The following CSMD1 variants were observed in gnomAD, a reference collection of about 807,000 sequenced individuals.
CSMD1 encodes CUB and sushi domain-containing protein 1.
In CSMD1, 213 loss-of-function variants were observed where a neutral mutation model predicts 417.5. The ratio of observed to expected loss-of-function variants is 0.51; its 90% CI spans 0.46 to 0.57. The LOEUF (loss-of-function observed/expected upper bound fraction) is 0.57, where lower values mean the gene tolerates loss of function less well. CSMD1 is among the 20% of genes least tolerant of loss of function. The pLI, the probability that CSMD1 is intolerant of heterozygous loss-of-function variation, is 0.00. For missense variants in CSMD1, 6,923 were observed against 4,529.7 expected, an observed-to-expected ratio of 1.53 and a Z score of -15.17; for synonymous variants, 2,862 against 1,736.8, an observed-to-expected ratio of 1.65 and a Z score of -16.11.
At chr8:4,105,960 A>T (rs1303807838) in intron 3 of CSMD1, among the ~76,000 whole-genome samples, 2 of 152,156 alleles carry the variant, frequency 1.3e-5, no homozygotes, top group Non-Finnish European at 2.9e-5. Flanking sequence ...AATTAGCCAC[A>T]AGTCCCAACT....
intron 1 of CSMD1, among the ~76,000 whole-genome samples, chr8:4,823,315 C>T (rs1047998764): frequency 4.0e-4 from 61 of 151,980 alleles, no homozygotes; most frequent in African/African-American, 1.4e-3. Flanking sequence ...GATTTTAGTT[C>T]TGTGATGACT....
chr8:3,612,908 G>T (rs1801960794), intron 8 of CSMD1, among the ~76,000 whole-genome samples: 2 of 151,876 alleles, frequency 1.3e-5, no homozygotes. Flanking sequence ...GTAAACAGAG[G>T]AAATAAATTA....
chr8:3,065,531 C>A (rs1315570650), intron 49 of CSMD1, among the ~76,000 whole-genome samples: 1 of 151,586 alleles, frequency 6.6e-6, no homozygotes, highest in Non-Finnish European at 1.5e-5. Context: ...AAGATGGATA[C>A]ACAGATGGAT....
chr8:4,966,786 C>T (rs17433425), intron 1 of CSMD1, among the ~76,000 whole-genome samples: 1 of 152,078 alleles, frequency 6.6e-6, no homozygotes, highest in African/African-American at 2.4e-5. Context: ...CAGATATACT[C>T]GAACTGTAAA....
chr8:3,921,275 T>C (rs1397206751), intron 5 of CSMD1, among the ~76,000 whole-genome samples: 1 of 152,278 alleles, frequency 6.6e-6, no homozygotes, highest in East Asian at 1.9e-4. Context: ...ACCTCTTTCA[T>C]TTCTAATTTT....
At chr8:3,186,865 G>C (rs941147927) in intron 36 of CSMD1, among the ~76,000 whole-genome samples, 3 of 152,176 alleles carry the variant, frequency 2.0e-5, no homozygotes, top group African/African-American at 7.2e-5. Flanking sequence ...AACAGAGATA[G>C]CAATAATCCC....
chr8:4,220,976 C>T (rs1445509142), intron 3 of CSMD1, among the ~76,000 whole-genome samples: 1 of 152,158 alleles, frequency 6.6e-6, no homozygotes, highest in Non-Finnish European at 1.5e-5. Context: ...CCCAGAGGAG[C>T]CCTTGGGGTG....
chr8:3,817,866 G>A (rs1211833975), intron 5 of CSMD1, among the ~76,000 whole-genome samples: 1 of 152,018 alleles, frequency 6.6e-6, no homozygotes, highest in Non-Finnish European at 1.5e-5. Flanking sequence ...TACCCTTCAC[G>A]GCTTCACACT....
chr8:4,746,910 G>A (rs1283905342), intron 1 of CSMD1, among the ~76,000 whole-genome samples: 1 of 152,128 alleles, frequency 6.6e-6, no homozygotes, highest in Admixed American at 6.5e-5. Context: ...AAGAATTGTG[G>A]GACACTCTAG....
At position 4,994,447 on chromosome 8, in the gene CSMD1, C is replaced by G. The variant is rs373197006; in HGVS notation, c.-31G>C. 6 of 1,587,600 alleles carry G rather than the reference C, an allele frequency of 3.8e-6. No individual in the cohort carries two copies. Among genetic ancestry groups the G allele is most frequent in the African/African-American group, 1.3e-5 (1 of 74,516 alleles). ...CAGATACTCCACACGCACGCGACAC[C>G]GATGGCTCCTCCGAGGAAGGCAGGG... On this transcript the variant is annotated 5_prime_UTR_variant, in exon 1 of 70. Coordinates refer to ENST00000635120, the MANE Select transcript of CSMD1 (RefSeq NM_033225.6).
intron 2 of CSMD1, among the ~76,000 whole-genome samples, chr8:4,490,003 T>C (rs1489305577): frequency 1.3e-5 from 2 of 151,974 alleles, no homozygotes; most frequent in African/African-American, 4.8e-5. Flanking sequence ...AATTGTTGTC[T>C]GTCTTTCCAG....
intron 2 of CSMD1, among the ~76,000 whole-genome samples, chr8:4,534,495 G>A (rs537434735): frequency 4.7e-4 from 71 of 152,136 alleles, no homozygotes; most frequent in East Asian, 1.4e-3. Context: ...CAGATACAGC[G>A]GGGTACAGGT....
intron 8 of CSMD1, among the ~76,000 whole-genome samples, chr8:3,588,395 GA>G (rs1195794080): frequency 6.6e-6 from 1 of 152,112 alleles, no homozygotes; most frequent in Non-Finnish European, 1.5e-5. Flanking sequence ...GGAAGAGTTG[GA>G]ATTTCAGTGT....
At chr8:4,635,659 G>T (rs942530565) in intron 2 of CSMD1, among the ~76,000 whole-genome samples, 5 of 152,016 alleles carry the variant, frequency 3.3e-5, no homozygotes, top group African/African-American at 4.8e-5. Flanking sequence ...CTGTAACTCT[G>T]CAGTTTTTAT....
At position 3,350,083 on chromosome 8, in the gene CSMD1, AC is replaced by A. The variant is rs974443462; in HGVS notation, c.3305-1923del. Among the ~76,000 whole-genome samples the A allele has an allele frequency of 4.7e-5, 6 of 126,732 alleles. No homozygotes were observed. The East Asian group carries it at 1.4e-3, about 30-fold the overall frequency. The allele number at this position is 126,732 out of a possible 152,430, so 83.1% of individuals were successfully genotyped here. On this transcript the variant is annotated intron_variant, in intron 21 of 69. Transcript: ENST00000635120. Reference sequence around the variant, plus strand: ...AACTTGTGTATGTGTGTGTTATAATACCTATAATAACCTATAATAACTTGTG... The same window carrying A: ...AACTTGTGTATGTGTGTGTTATAATACTATAATAACCTATAATAACTTGTG...
At chr8:4,469,403 C>T (rs1297500164) in intron 2 of CSMD1, among the ~76,000 whole-genome samples, 1 of 152,118 alleles carries the variant, frequency 6.6e-6, no homozygotes, top group Non-Finnish European at 1.5e-5. Context: ...CAGCATTCTG[C>T]CGTATTTTCA....
rs547520704 is a variant in CSMD1, at chr8:3,656,319, G to T, written c.1010-39522C>A. On this transcript the variant is annotated intron_variant, in intron 7 of 69. Transcript: ENST00000635120. The stretch of plus-strand genomic sequence containing the variant: ...CTCTCTCAGAAGCTTAGGGCGAAAG[G>T]TATAGCACTACTTTCCTAGAAAAGC... 2.0e-5 allele frequency among the ~76,000 whole-genome samples: 3 copies of T among 152,292 alleles called. No homozygotes were observed. In the East Asian group the frequency reaches 5.8e-4, roughly 29 times the overall value.
chr8:3,298,609 A>G (rs1804147701), intron 25 of CSMD1, among the ~76,000 whole-genome samples: 1 of 152,152 alleles, frequency 6.6e-6, no homozygotes, highest in Non-Finnish European at 1.5e-5. Context: ...GTGTGCCAAC[A>G]CAACTTGCTT....
intron 1 of CSMD1, among the ~76,000 whole-genome samples, chr8:4,934,159 G>T (rs990150224): frequency 6.6e-6 from 1 of 152,140 alleles, no homozygotes. Context: ...TCTGAGAAGA[G>T]GCCAGGCTAA....
Sources: allele counts gnomAD v4.1 joint callset (sites outside exome capture counted in the v4.1 genomes callset), GRCh38; gene constraint gnomAD v4.1.1; transcripts MANE v1.5; gene names NCBI Gene and HGNC (gene_info 2026-07-23, HGNC 2026-07-21).